The following MT3 variants were observed in gnomAD, a reference collection of about 807,000 sequenced individuals.
MT3 encodes metallothionein-3.
A neutral mutation model predicts 10.9 loss-of-function variants in MT3; 8 were observed. The observed-to-expected ratio is 0.73, with a 90% CI of 0.43 to 1.33. The LOEUF (loss-of-function observed/expected upper bound fraction) is 1.33. Among genes scored for constraint, MT3 ranks in the 40% most tolerant of loss-of-function variants. The pLI is 0.01. For synonymous variants in MT3, 32 were observed against 29.9 expected (o/e 1.07, Z -0.23); for missense variants, 75 against 83.9 (o/e 0.89, Z 0.41).
intron 1 of MT3, 44 bp from the exon 2 acceptor site, chr16:56,589,826 G>C (rs1167642320): frequency 1.9e-6 from 3 of 1,610,138 alleles, no homozygotes; most frequent in African/African-American, 2.7e-5. Flanking sequence ...GTGGGGACCC[G>C]AGTTCGTCCA....
At chr16:56,589,672 G>T in intron 1 of MT3, 51 bp downstream of exon 1, 1 of 1,605,086 alleles carries the variant, frequency 6.2e-7, no homozygotes, top group Middle Eastern at 1.7e-4. Context: ...CCTTGTACCT[G>T]CAAAGAAACC....
intron 1 of MT3, 45 bp from the exon 2 acceptor site, chr16:56,589,825 C>T (rs764772971): frequency 1.2e-6 from 2 of 1,609,058 alleles, no homozygotes; most frequent in Non-Finnish European, 1.7e-6. Context: ...CGTGGGGACC[C>T]GAGTTCGTCC....
At chr16:56,590,455 G>A in intron 2 of MT3, 2 of 447,134 alleles carry the variant, frequency 4.5e-6, no homozygotes, top group Non-Finnish European at 8.1e-6. Context: ...GCTTTCCTGG[G>A]CCCCTTACAT....
intron 2 of MT3, 171 bp from the exon 3 acceptor site, chr16:56,590,669 C>T (rs1420558605): frequency 1.5e-4 from 98 of 637,904 alleles, no homozygotes; most frequent in South Asian, 1.4e-3. Context: ...ATGCCACTGC[C>T]GCGACATAGA....
In MT3 at chr16:56,589,533, G is replaced by C; in HGVS notation, c.-58G>C. On this transcript the variant is annotated 5_prime_UTR_variant, in exon 1 of 3. Coordinates refer to ENST00000200691, the MANE Select transcript of MT3 (RefSeq NM_005954.4). The stretch of plus-strand genomic sequence containing the variant: ...GCCACCTGCTGCCACTAGCCAAGCC[G>C]CGCGTCCAGTTGCTTGGAGAAGCCC... 2.0e-6 allele frequency: 3 copies of C among 1,515,460 alleles called. No homozygotes were observed. The African/African-American group carries it at 4.2e-5, about 21-fold the overall frequency. 93.9% of individuals were successfully genotyped at this position (1,515,460 alleles called of 1,614,324 possible).
At position 56,590,901 on chromosome 16, in the gene MT3, C is replaced by G; in HGVS notation, c.159C>G (p.Gly53=). The change falls in exon 3 of 3, where the codon GGC becomes GGG. Residue 53 remains glycine, a synonymous_variant. Coordinates refer to ENST00000200691, the MANE Select transcript of MT3 (RefSeq NM_005954.4). ...EKCAKDCVCK[G]GEAAEAEAEK... ...GTGCCAAGGACTGTGTGTGCAAAGG[C>G]GGAGAGGCAGCTGAGGCAGAAGCAG... 3 of 1,614,018 alleles carry G rather than the reference C, an allele frequency of 1.9e-6. No homozygotes were observed. Among genetic ancestry groups the G allele is most frequent in the Non-Finnish European group, 2.5e-6 (3 of 1,179,998 alleles).
Sources: gnomAD v4.1 joint callset for allele counts on GRCh38, gnomAD v4.1.1 for gene constraint, MANE v1.5 for transcripts, NCBI Gene and HGNC (gene_info 2026-07-23, HGNC 2026-07-21) for gene names.